The following OSBPL9 variants were observed in gnomAD, a reference collection of about 807,000 sequenced individuals.
OSBPL9 encodes the protein oxysterol-binding protein-related protein 9.
In OSBPL9, 40 loss-of-function variants were observed where a neutral mutation model predicts 106.6. The ratio of observed to expected loss-of-function variants is 0.38; its 90% CI spans 0.29 to 0.49. The LOEUF (loss-of-function observed/expected upper bound fraction) is 0.49. OSBPL9 is among the 20% of genes least tolerant of loss of function. The probability of loss-of-function intolerance (pLI) is 0.97; values close to 1 mark genes in which losing one functional copy is unlikely to be tolerated. For missense variants in OSBPL9, 609 were observed against 887.2 expected (o/e 0.69, Z 3.98); for synonymous variants, 269 against 295.4 (o/e 0.91, Z 0.92).
At chr1:51,585,256 G>GA (rs1001491307) in intron 1 of OSBPL9, among the ~76,000 whole-genome samples, 1 of 150,562 alleles carries the variant, frequency 6.6e-6, no homozygotes, top group Non-Finnish European at 1.5e-5. Context: ...AATAATGCAA[G>GA]AAAAAAAAAT....
At chr1:51,573,847 C>T (rs7514153), upstream of OSBPL9, 31,568 of 150,262 alleles carry the variant, frequency 0.21, 5,198 homozygotes, top group African/African-American at 0.46. Context: ...AATTTGGTGA[C>T]TGGGTGATAT....
intron 14 of OSBPL9, among the ~76,000 whole-genome samples, chr1:51,774,000 A>G (rs1223810055): frequency 6.6e-6 from 1 of 152,062 alleles, no homozygotes; most frequent in Non-Finnish European, 1.5e-5. Context: ...GTTGTTTTCC[A>G]GGAGTGGCTC....
At position 51,781,348 on chromosome 1, in the gene OSBPL9, T is replaced by C. The variant is rs754678201; in HGVS notation, c.1428+13T>C. On this transcript the variant is annotated intron_variant, in intron 16 of 23. Coordinates refer to ENST00000428468, the MANE Select transcript of OSBPL9 (RefSeq NM_024586.6). Reference sequence around the variant, plus strand: ...TGAAGAGAACACAGTGAGTTCTGCATTGACATTTTTAAATTATCTTAATTG... The same window carrying C: ...TGAAGAGAACACAGTGAGTTCTGCACTGACATTTTTAAATTATCTTAATTG... 4.4e-6 allele frequency: 7 copies of C among 1,608,362 alleles called. No individual in the cohort carries two copies. In the Admixed American group the frequency reaches 6.7e-5, roughly 15 times the overall value.
At chr1:51,643,226 G>C (rs1373979528) in intron 1 of OSBPL9, among the ~76,000 whole-genome samples, 1 of 152,124 alleles carries the variant, frequency 6.6e-6, no homozygotes, top group Admixed American at 6.5e-5. Context: ...AGGACGGAGG[G>C]ATTAGGTTTC....
chr1:51,785,316 C>A (rs1023734877), intron 20 of OSBPL9: 5 of 156,114 alleles, frequency 3.2e-5, no homozygotes, highest in African/African-American at 1.2e-4. Context: ...AAGTAGAGGT[C>A]TGTTACGGCT....
chr1:51,657,299 C>A (rs1646877208), intron 2 of OSBPL9, among the ~76,000 whole-genome samples: 1 of 152,090 alleles, frequency 6.6e-6, no homozygotes, highest in African/African-American at 2.4e-5. Flanking sequence ...ACATAGGGTA[C>A]ATAAAAGGAG....
chr1:51,596,201 G>C (rs890827755), intron 1 of OSBPL9, among the ~76,000 whole-genome samples: 25 of 143,778 alleles, frequency 1.7e-4, no homozygotes, highest in Admixed American at 5.1e-4. Context: ...AAATGTTGCA[G>C]TAAGCCAAGA....
At chr1:51,677,915 C>T (rs924046565) in intron 3 of OSBPL9, among the ~76,000 whole-genome samples, 2 of 151,748 alleles carry the variant, frequency 1.3e-5, no homozygotes, top group African/African-American at 2.4e-5. Flanking sequence ...GGCTCACACC[C>T]GTAATCCCAG....
At chr1:51,756,458 A>G in intron 9 of OSBPL9, 100 bp downstream of exon 9, 1 of 1,106,480 alleles carries the variant, frequency 9.0e-7, no homozygotes, top group Non-Finnish European at 1.3e-6. Context: ...TTTCAATGCC[A>G]ACTACTCACT....
chr1:51,788,865 T>TTTA lies in OSBPL9; in HGVS notation c.*1079_*1081dup, dbSNP rs1181772440. Among the ~76,000 whole-genome samples, 1 of 151,974 alleles carries TTTA rather than the reference T, an allele frequency of 6.6e-6. No individual in the cohort carries two copies. The highest frequency in any genetic ancestry group is 2.4e-5 in the African/African-American group (1 of 41,280). ...ATCTATCTATCTATCTATCATCTTT[T>TTTA]TTATTTAAAAATACATTAAAAAAAC... On this transcript the variant is annotated 3_prime_UTR_variant, in exon 24 of 24. Coordinates refer to ENST00000428468, the MANE Select transcript of OSBPL9 (RefSeq NM_024586.6).
chr1:51,538,490 T>C, the OSBPL9 span: 1 of 152,234 alleles, frequency 6.6e-6, no homozygotes, highest in Admixed American at 6.5e-5. Flanking sequence ...GTGATTATAT[T>C]ACTTATTTAA....
the OSBPL9 span, among the ~76,000 whole-genome samples, chr1:51,540,967 A>C: frequency 6.7e-6 from 1 of 148,366 alleles, no homozygotes; most frequent in Non-Finnish European, 1.5e-5. Context: ...TCAAAAAAAA[A>C]AAACAAAAAA....
intron 1 of OSBPL9, among the ~76,000 whole-genome samples, chr1:51,637,122 G>A (rs577582358): frequency 6.6e-6 from 1 of 152,298 alleles, no homozygotes; most frequent in South Asian, 2.1e-4. Flanking sequence ...TTCAAATCCT[G>A]TTTCTCTCAC....
chr1:51,643,856 A>G (rs753547428), intron 1 of OSBPL9, among the ~76,000 whole-genome samples: 2 of 151,638 alleles, frequency 1.3e-5, no homozygotes, highest in African/African-American at 2.4e-5. Context: ...TGAGGTGGGT[A>G]GATCGCTTGA....
intron 1 of OSBPL9, among the ~76,000 whole-genome samples, chr1:51,628,264 AT>A (rs1170095817): frequency 1.3e-5 from 2 of 152,364 alleles, no homozygotes; most frequent in Non-Finnish European, 2.9e-5. Context: ...GAATCATTTT[AT>A]ACATGATATT....
the OSBPL9 span, among the ~76,000 whole-genome samples, chr1:51,545,135 C>T: frequency 1.1e-4 from 17 of 152,106 alleles, no homozygotes; most frequent in Non-Finnish European, 1.9e-4. Context: ...TGAGCCACCA[C>T]ATCCGACCCA....
chr1:51,671,220 AT>A (rs142570907), intron 3 of OSBPL9, among the ~76,000 whole-genome samples: 30 of 150,978 alleles, frequency 2.0e-4, no homozygotes, highest in South Asian at 2.1e-4. Context: ...GTAAGACTGT[AT>A]TTTTTTTTCG....
At chr1:51,743,092 T>C (rs1226059405) in intron 4 of OSBPL9, among the ~76,000 whole-genome samples, 2 of 152,244 alleles carry the variant, frequency 1.3e-5, no homozygotes, top group African/African-American at 2.4e-5. Context: ...TTTTACATGA[T>C]ATTTTATTGG....
chr1:51,574,481 C>T (rs1487420340), upstream of OSBPL9, among the ~76,000 whole-genome samples: 2 of 152,002 alleles, frequency 1.3e-5, no homozygotes, highest in South Asian at 2.1e-4. Context: ...TAGCCAGGCG[C>T]GGTGGCGGAT....
Sources: gnomAD v4.1 joint callset for allele counts (sites outside exome capture counted in the v4.1 genomes callset) on GRCh38, gnomAD v4.1.1 for gene constraint, MANE v1.5 for transcripts, NCBI Gene and HGNC (gene_info 2026-07-23, HGNC 2026-07-21) for gene names.